Variants in HSPA12A observed in about 807,000 individuals in gnomAD.
HSPA12A encodes the protein heat shock 70 kDa protein 12A.
In HSPA12A, 28 loss-of-function variants were observed where a neutral mutation model predicts 69.2. The observed-to-expected ratio is 0.40, with a 90% CI of 0.30 to 0.55. HSPA12A has a LOEUF of 0.55. HSPA12A is among the 20% of genes least tolerant of loss of function. HSPA12A has a pLI of 0.38. For synonymous variants in HSPA12A, 345 were observed against 370.5 expected (o/e 0.93, Z 0.79); for missense variants, 686 against 900.7 (o/e 0.76, Z 3.05).
At chr10:116,810,768 A>C (rs535916000) in intron 2 of HSPA12A, among the ~76,000 whole-genome samples, 7 of 152,312 alleles carry the variant, frequency 4.6e-5, no homozygotes, top group South Asian at 2.1e-4. Flanking sequence ...ATGTAGGCTC[A>C]AGTTTGAGAA....
intron 6 of HSPA12A, among the ~76,000 whole-genome samples, chr10:116,690,999 G>GC (rs1490379852): frequency 3.9e-5 from 6 of 152,320 alleles, no homozygotes; most frequent in African/African-American, 1.4e-4. Flanking sequence ...CTGCCGGAAG[G>GC]CTGACACTAT....
chr10:116,702,133 A>G (rs1179838367), intron 3 of HSPA12A, among the ~76,000 whole-genome samples: 1 of 151,510 alleles, frequency 6.6e-6, no homozygotes, highest in Non-Finnish European at 1.5e-5. Flanking sequence ...AGAGAGAGAG[A>G]GAGAGAGAGA....
At chr10:116,704,471 G>A (rs1357417991) in intron 3 of HSPA12A, among the ~76,000 whole-genome samples, 2 of 151,854 alleles carry the variant, frequency 1.3e-5, no homozygotes, top group South Asian at 2.1e-4. Flanking sequence ...GGGGTGGGGG[G>A]AGTGGGGAGG....
At chr10:116,778,793 G>A (rs1427735294) in intron 2 of HSPA12A, among the ~76,000 whole-genome samples, 1 of 152,148 alleles carries the variant, frequency 6.6e-6, no homozygotes, top group Non-Finnish European at 1.5e-5. Context: ...AAATTAGCTG[G>A]GCATGGTAGC....
intron 2 of HSPA12A, among the ~76,000 whole-genome samples, chr10:116,774,855 G>C (rs1446645139): frequency 1.3e-5 from 2 of 152,174 alleles, no homozygotes; most frequent in African/African-American, 4.8e-5. Context: ...GCAGGCCCCA[G>C]TCCTGCCGGC....
intron 2 of HSPA12A, among the ~76,000 whole-genome samples, chr10:116,785,997 T>C (rs1844567847): frequency 6.6e-6 from 1 of 152,194 alleles, no homozygotes; most frequent in African/African-American, 2.4e-5. Flanking sequence ...TCCCGACTCC[T>C]GCACCCGTCA....
upstream of HSPA12A, among the ~76,000 whole-genome samples, chr10:116,746,349 G>C (rs1187576018): frequency 2.0e-5 from 3 of 152,250 alleles, no homozygotes; most frequent in African/African-American, 7.2e-5. Context: ...GCATGGGTAG[G>C]GGAGGCAGCT....
At chr10:116,841,357 A>C (rs902503417) in intron 1 of HSPA12A, among the ~76,000 whole-genome samples, 1 of 152,184 alleles carries the variant, frequency 6.6e-6, no homozygotes, top group Non-Finnish European at 1.5e-5. Flanking sequence ...GTATTAATGG[A>C]AACGTTTTTC....
chr10:116,820,073 C>T (rs1845382927), intron 2 of HSPA12A, among the ~76,000 whole-genome samples: 2 of 152,188 alleles, frequency 1.3e-5, no homozygotes, highest in South Asian at 4.1e-4. Flanking sequence ...ATTCACCCAC[C>T]TGGCCTCCCA....
chr10:116,714,878 C>T (rs1232866441), intron 1 of HSPA12A, among the ~76,000 whole-genome samples: 1 of 152,228 alleles, frequency 6.6e-6, no homozygotes, highest in African/African-American at 2.4e-5. Flanking sequence ...CCTGCTTCTA[C>T]AGCAGGCAAA....
intron 7 of HSPA12A, 85 bp from the exon 8 acceptor site, chr10:116,681,962 T>C (rs1849417405): frequency 1.6e-6 from 2 of 1,238,744 alleles, no homozygotes; most frequent in Non-Finnish European, 1.2e-6. Context: ...GGCAATAGCA[T>C]GAGGAGATTT....
chr10:116,786,983 GAC>G (rs111355992), intron 2 of HSPA12A, among the ~76,000 whole-genome samples: 43 of 66,690 alleles, frequency 6.4e-4, no homozygotes, highest in South Asian at 5.3e-3. Flanking sequence ...TCACCTCCCG[GAC>G]ACACACACAC....
chr10:116,714,083 G>A lies in HSPA12A; in HGVS notation c.41-6798C>T, dbSNP rs569904663. On this transcript the variant is annotated intron_variant, in intron 1 of 11. Transcript: ENST00000369209. ...GATGGATAGGTGGGTGGGTGGGTGA[G>A]TGGATGGATGGACGGATGGATGGGT... Among the ~76,000 whole-genome samples, 4 of 151,650 alleles carry A rather than the reference G, an allele frequency of 2.6e-5. No individual in the cohort carries two copies. The East Asian group carries it at 7.8e-4, about 30-fold the overall frequency.
chr10:116,821,754 C>T (rs1433334466), intron 2 of HSPA12A, among the ~76,000 whole-genome samples: 1 of 152,202 alleles, frequency 6.6e-6, no homozygotes, highest in African/African-American at 2.4e-5. Context: ...AAGCCTGGAC[C>T]TCAGGGAGTG....
chr10:116,674,670 A>C lies in HSPA12A; in HGVS notation c.*111T>G, dbSNP rs1475476954. On this transcript the variant is annotated 3_prime_UTR_variant, in exon 12 of 12. Transcript: ENST00000369209. ...CTGATTGTTCTCATCTTCCCTGCTGAAATTCACATGGGCAATGGTGAGGGT... is the reference window on the plus strand; with the variant it reads ...CTGATTGTTCTCATCTTCCCTGCTGCAATTCACATGGGCAATGGTGAGGGT... 4 of 1,109,226 alleles carry C rather than the reference A, an allele frequency of 3.6e-6. No homozygotes were observed. Among genetic ancestry groups the C allele is most frequent in the Admixed American group, 2.3e-5 (1 of 44,218 alleles). The allele number at this position is 1,109,226 out of a possible 1,614,324, so 68.7% of individuals were successfully genotyped here. A position where few individuals can be genotyped will look rare whatever the true frequency, so the allele number is the denominator to read the frequency against.
intron 2 of HSPA12A, chr10:116,750,595 C>T (rs1851754451): frequency 3.2e-6 from 1 of 312,646 alleles, no homozygotes; most frequent in South Asian, 3.3e-5. Context: ...AACAGCATAA[C>T]TCCAGGCATG....
intron 1 of HSPA12A, among the ~76,000 whole-genome samples, chr10:116,844,688 A>G (rs1438147860): frequency 6.6e-6 from 1 of 152,202 alleles, no homozygotes; most frequent in Non-Finnish European, 1.5e-5. Context: ...AGTCATGTTC[A>G]TTGGTTCCCT....
intron 2 of HSPA12A, among the ~76,000 whole-genome samples, chr10:116,806,713 C>T (rs898987870): frequency 2.0e-5 from 3 of 152,142 alleles, no homozygotes; most frequent in Admixed American, 6.5e-5. Context: ...GCCCTCGTTC[C>T]GAGAGGCCAT....
intron 2 of HSPA12A, among the ~76,000 whole-genome samples, chr10:116,807,097 T>G (rs1158305848): frequency 6.6e-6 from 1 of 151,898 alleles, no homozygotes; most frequent in Non-Finnish European, 1.5e-5. Context: ...AACACCTTGA[T>G]TTTGAACTTC....
Sources: gnomAD v4.1 joint callset for allele counts (sites outside exome capture counted in the v4.1 genomes callset) on GRCh38, gnomAD v4.1.1 for gene constraint, MANE v1.5 for transcripts, NCBI Gene and HGNC (gene_info 2026-07-23, HGNC 2026-07-21) for gene names.